CCNI2: variants seen among roughly 807,000 people sequenced by gnomAD.
CCNI2 encodes the protein cyclin-I2.
Under a neutral mutation model 33.2 loss-of-function variants are expected in CCNI2, and 32 were observed. The ratio of observed to expected loss-of-function variants is 0.96; its 90% CI spans 0.73 to 1.30. The LOEUF is 1.30. Ranked by LOEUF, CCNI2 falls within the 50% of genes most tolerant of loss-of-function variation. The pLI, the probability that CCNI2 is intolerant of heterozygous loss-of-function variation, is 0.00. For missense variants in CCNI2, 452 were observed against 486.2 expected (o/e 0.93, Z 0.66); for synonymous variants, 231 against 219.9 (o/e 1.05, Z -0.45).
At chr5:132,748,049 C>A in intron 1 of CCNI2, 125 bp downstream of exon 1, 1 of 1,071,342 alleles carries the variant, frequency 9.3e-7, no homozygotes, top group African/African-American at 1.6e-5. Context: ...TGGCCCCTCA[C>A]GAGAGGCACG....
intron 1 of CCNI2, 94 bp from the exon 2 acceptor site, chr5:132,748,253 C>T (rs1192519278): frequency 2.6e-6 from 4 of 1,518,560 alleles, no homozygotes; most frequent in Non-Finnish European, 3.6e-6. Flanking sequence ...CACTGCCCCA[C>T]CCCCCGCACC....
intron 5 of CCNI2, among the ~76,000 whole-genome samples, chr5:132,752,407 T>C (rs1754925746): frequency 6.6e-6 from 1 of 152,142 alleles, no homozygotes; most frequent in African/African-American, 2.4e-5. Context: ...ACTGGACCAA[T>C]GGGGGTGGTC....
chr5:132,750,145 ACTC>A (rs1754746301), intron 3 of CCNI2, among the ~76,000 whole-genome samples: 1 of 151,964 alleles, frequency 6.6e-6, no homozygotes, highest in Non-Finnish European at 1.5e-5. Context: ...AATGTTTTAA[ACTC>A]CTGTTTATTA....
Position 132,752,111 on chromosome 5 carries a change from T to C in CCNI2, c.920T>C (p.Leu307Pro), listed in dbSNP as rs776433041. 1.0e-5 allele frequency: 16 copies of C among 1,599,336 alleles called. No homozygotes were observed. In the East Asian group the frequency reaches 3.6e-4, roughly 36 times the overall value. The change falls in exon 5 of 6, where the codon CTG (leucine) becomes CCG (proline). Residue 307 changes from leucine to proline, a missense_variant. Transcript: ENST00000378731. Reference sequence around the variant, plus strand: ...CTGCTGCAGTTCAAGGGCTCCACACTGGCCTTGGTCATCATCACCTTAGAG... The same window carrying C: ...CTGCTGCAGTTCAAGGGCTCCACACCGGCCTTGGTCATCATCACCTTAGAG... ...HQLLQFKGSTLALVIITLELE... is the reference protein window; with the variant it reads ...HQLLQFKGSTPALVIITLELE...
chr5:132,747,453 G>A lies in CCNI2; in HGVS notation c.-43G>A. The A allele has an allele frequency of 7.2e-7, 1 of 1,391,504 alleles. No homozygotes were observed. Among genetic ancestry groups the A allele is most frequent in the Non-Finnish European group, 9.3e-7 (1 of 1,078,270 alleles). The allele number at this position is 1,391,504 out of a possible 1,614,324, so 86.2% of individuals were successfully genotyped here. On this transcript the variant is annotated 5_prime_UTR_variant, in exon 1 of 6. An upstream start codon of the reference 5' UTR is lost. Transcript: ENST00000378731. This position sits in a 1 kb window ranked among gnomAD's most constrained non-coding sequence, Gnocchi z 4.1. ...TGTTCCGGGAGCTGGGTTATAAAATGCCGGGTTAAGCGGCAACTCAGACTC... is the reference window on the plus strand; with the variant it reads ...TGTTCCGGGAGCTGGGTTATAAAATACCGGGTTAAGCGGCAACTCAGACTC...
chr5:132,752,262 C>G (rs1754910462), intron 5 of CCNI2, 66 bp downstream of exon 5: 15 of 1,492,492 alleles, frequency 1.0e-5, no homozygotes, highest in Non-Finnish European at 1.3e-5. Flanking sequence ...CACTCTGACC[C>G]CAAAGGGGTA....
At position 132,753,801 on chromosome 5, in the gene CCNI2, CCT is replaced by C. The variant is rs1156815144; in HGVS notation, c.*837_*838del. 6.6e-6 allele frequency: 1 copy of C among 152,330 alleles called. No homozygotes were observed. Among genetic ancestry groups the C allele is most frequent in the Non-Finnish European group, 1.5e-5 (1 of 68,184 alleles). 9.4% of individuals were successfully genotyped at this position (152,330 alleles called of 1,614,324 possible). A position where few individuals can be genotyped will look rare whatever the true frequency, so the allele number is the denominator to read the frequency against. ...TGCTGCCAGGAGGAGGAGCCGGCTG[CCT>C]CTCTCATGCTGTGCTACCACAGAGC... On this transcript the variant is annotated 3_prime_UTR_variant, in exon 6 of 6. Transcript: ENST00000378731.
In CCNI2 at chr5:132,754,246, C is replaced by G. The variant is rs1755132924; in HGVS notation, c.*1276C>G. The G allele has an allele frequency of 1.7e-6, 1 of 604,952 alleles. No homozygotes were observed. The highest frequency in any genetic ancestry group is 2.8e-5 in the East Asian group (1 of 36,050). 37.5% of individuals were successfully genotyped at this position (604,952 alleles called of 1,614,324 possible). On this transcript the variant is annotated 3_prime_UTR_variant, in exon 6 of 6. Coordinates refer to ENST00000378731, the MANE Select transcript of CCNI2 (RefSeq NM_001039780.4). ...ACATTTGGAACACTATCTCCTAGGT[C>G]ATATCAAGAACTCTCCTCTAGTCCA...
chr5:132,751,765 TTG>T, intron 4 of CCNI2, 199 bp from the exon 5 acceptor site: 4 of 615,380 alleles, frequency 6.5e-6, no homozygotes, highest in Middle Eastern at 4.4e-4. Flanking sequence ...TTTTTTTTTT[TTG>T]GTCCCGGAGT....
At position 132,747,644 on chromosome 5, in the gene CCNI2, G is replaced by GA; in HGVS notation, c.151dup (p.Ser51LysfsTer95). 1 of 1,503,794 alleles carries GA rather than the reference G, an allele frequency of 6.6e-7. No individual in the cohort carries two copies. The highest frequency in any genetic ancestry group is 8.8e-7 in the Non-Finnish European group (1 of 1,133,244). The allele number at this position is 1,503,794 out of a possible 1,614,324, so 93.2% of individuals were successfully genotyped here. A position where few individuals can be genotyped will look rare whatever the true frequency, so the allele number is the denominator to read the frequency against. ...TCTCCGGGGGAGGCCCCTCTGCCCCGAAGCAACCGGAGCAGGTGCCCTGGG... is the reference window on the plus strand; with the variant it reads ...TCTCCGGGGGAGGCCCCTCTGCCCCGAAAGCAACCGGAGCAGGTGCCCTGGG... On this transcript the variant is annotated frameshift_variant, in exon 1 of 6. Coordinates refer to ENST00000378731, the MANE Select transcript of CCNI2 (RefSeq NM_001039780.4). LOFTEE classifies it high-confidence loss of function. This position sits in a 1 kb window ranked among gnomAD's most constrained non-coding sequence, Gnocchi z 4.1.
At chr5:132,754,838 A>G (rs1328998499), downstream of CCNI2, among the ~76,000 whole-genome samples, 2 of 152,200 alleles carry the variant, frequency 1.3e-5, no homozygotes, top group East Asian at 3.8e-4. Flanking sequence ...AGCTATTGAA[A>G]GGCAGGGATT....
intron 4 of CCNI2, 27 bp from the exon 5 acceptor site, chr5:132,751,939 T>A (rs1324490138): frequency 6.3e-7 from 1 of 1,584,250 alleles, no homozygotes; most frequent in Non-Finnish European, 8.6e-7. Flanking sequence ...CGTTTTCTGT[T>A]CTAACATTAA....
chr5:132,749,134 T>A (rs1348732404), intron 2 of CCNI2, among the ~76,000 whole-genome samples: 2 of 152,120 alleles, frequency 1.3e-5, no homozygotes, highest in African/African-American at 2.4e-5. Flanking sequence ...CCCGCCCCTA[T>A]AGTCCTAGCT....
rs1352873825 is a variant in CCNI2, at chr5:132,753,542, CCT to C, written c.*573_*574del. The C allele has an allele frequency of 5.9e-5, 9 of 153,610 alleles. No homozygotes were observed. The highest frequency in any genetic ancestry group is 2.2e-4 in the African/African-American group (9 of 41,466). 9.5% of individuals were successfully genotyped at this position (153,610 alleles called of 1,614,324 possible). Reference sequence around the variant, plus strand: ...AACCATGGCTATGACTTATGTCTTCCCTTTACAAGGACTGGATTATAAAGTAT... The same window carrying C: ...AACCATGGCTATGACTTATGTCTTCCTTACAAGGACTGGATTATAAAGTAT... On this transcript the variant is annotated 3_prime_UTR_variant, in exon 6 of 6. Transcript: ENST00000378731.
chr5:132,752,920 A>T lies in CCNI2; in HGVS notation c.1060A>T (p.Ser354Cys), dbSNP rs747214441. The change falls in exon 6 of 6, where the codon AGT becomes TGT. Residue 354 changes from serine to cysteine, a missense_variant. Ser to Cys is a moderately radical substitution (Grantham distance 112). Transcript: ENST00000378731. ...CKELVMQQLR[S>C]LQSSSCTDNF... Reference sequence around the variant, plus strand: ...GGAACTTGTAATGCAGCAACTGAGAAGTCTTCAGTCATCCTCCTGCACAGA... The same window carrying T: ...GGAACTTGTAATGCAGCAACTGAGATGTCTTCAGTCATCCTCCTGCACAGA... 1 of 1,614,162 alleles carries T rather than the reference A, an allele frequency of 6.2e-7. No individual in the cohort carries two copies. The highest frequency in any genetic ancestry group is 2.2e-5 in the East Asian group (1 of 44,880).
At position 132,749,396 on chromosome 5, in the gene CCNI2, G is replaced by C; in HGVS notation, c.607G>C (p.Ala203Pro). The C allele has an allele frequency of 1.9e-6, 3 of 1,614,064 alleles. No individual in the cohort carries two copies. The highest frequency in any genetic ancestry group is 2.5e-6 in the Non-Finnish European group (3 of 1,179,952). The part of the protein sequence containing the change: ...HCATITSLRL[A>P]AKVNEEEEFI... ...CGCCACAATTACTTCCTTGAGGCTC[G>C]CTGCAAAAGTTAATGAAGAAGAGGA... Residue 203 changes from alanine to proline, a missense_variant, in exon 3 of 6, where the codon GCT (alanine) becomes CCT (proline). Ala to Pro is a conservative substitution (Grantham distance 27, BLOSUM62 -1). Coordinates refer to ENST00000378731, the MANE Select transcript of CCNI2 (RefSeq NM_001039780.4).
chr5:132,753,080 C>G lies in CCNI2; in HGVS notation c.*110C>G. 1.2e-6 allele frequency: 1 copy of G among 865,468 alleles called. No homozygotes were observed. 53.6% of individuals were successfully genotyped at this position (865,468 alleles called of 1,614,324 possible). Reference sequence around the variant, plus strand: ...AATCCTGTAAAAAGGGAAGGTGGCTCTGGAAGAGCAACTGAGAAAAAGTTC... The same window carrying G: ...AATCCTGTAAAAAGGGAAGGTGGCTGTGGAAGAGCAACTGAGAAAAAGTTC... On this transcript the variant is annotated 3_prime_UTR_variant, in exon 6 of 6. Transcript: ENST00000378731.
chr5:132,748,066 G>C, intron 1 of CCNI2, 142 bp downstream of exon 1: 1 of 1,013,622 alleles, frequency 9.9e-7, no homozygotes, highest in South Asian at 1.9e-5. Flanking sequence ...CACGAGGCTG[G>C]ATCCACCAGC....
At position 132,753,487 on chromosome 5, in the gene CCNI2, A is replaced by G. The variant is rs1261216906; in HGVS notation, c.*517A>G. 2.5e-5 allele frequency: 4 copies of G among 158,284 alleles called. No homozygotes were observed. The highest frequency in any genetic ancestry group is 1.9e-4 in the South Asian group (1 of 5,318). 9.8% of individuals were successfully genotyped at this position (158,284 alleles called of 1,614,324 possible). A position where few individuals can be genotyped will look rare whatever the true frequency, so the allele number is the denominator to read the frequency against. On this transcript the variant is annotated 3_prime_UTR_variant, in exon 6 of 6. Transcript: ENST00000378731. Reference sequence around the variant, plus strand: ...AACTACCCTGCCTGCCACTCCTCACATGGGACAGTCTCTGCAGATGCATTT... The same window carrying G: ...AACTACCCTGCCTGCCACTCCTCACGTGGGACAGTCTCTGCAGATGCATTT...
Sources: gnomAD v4.1 joint callset for allele counts (sites outside exome capture counted in the v4.1 genomes callset) on GRCh38, gnomAD v4.1.1 for gene constraint, Gnocchi (gnomAD v3.1) non-coding constraint, MANE v1.5 for transcripts, NCBI Gene and HGNC (gene_info 2026-07-23, HGNC 2026-07-21) for gene names.